Variants in PAM observed in about 807,000 individuals in gnomAD.
The protein encoded by PAM is peptidylglycine alpha-amidating monooxygenase.
A neutral mutation model predicts 122.1 loss-of-function variants in PAM; 72 were observed. The ratio of observed to expected loss-of-function variants is 0.59; its 90% CI spans 0.49 to 0.72. PAM has a LOEUF of 0.72. Ranked by LOEUF, PAM falls within the 30% of genes least tolerant of loss-of-function variation. The pLI, the probability that PAM is intolerant of heterozygous loss-of-function variation, is 0.00. For missense variants in PAM, 1,106 were observed against 1,183.7 expected, an observed-to-expected ratio of 0.93 and a Z score of 0.96; for synonymous variants, 389 against 404.4, an observed-to-expected ratio of 0.96 and a Z score of 0.46.
At chr5:102,759,492 T>C (rs1561367054) in intron 1 of PAM, among the ~76,000 whole-genome samples, 1 of 152,218 alleles carries the variant, frequency 6.6e-6, no homozygotes, top group Non-Finnish European at 1.5e-5. Flanking sequence ...CAGCCAAGTA[T>C]TGTCAGGTTG....
At chr5:102,796,562 C>T (rs1330235662) in intron 1 of PAM, among the ~76,000 whole-genome samples, 1 of 152,066 alleles carries the variant, frequency 6.6e-6, no homozygotes, top group Non-Finnish European at 1.5e-5. Context: ...TTTTTGAGCA[C>T]CACAGTCAGC....
chr5:102,829,684 G>C (rs113100679), intron 1 of PAM, among the ~76,000 whole-genome samples: 34 of 152,254 alleles, frequency 2.2e-4, no homozygotes, highest in African/African-American at 7.9e-4. Flanking sequence ...GCAAATGGGA[G>C]TTTTTTGTGG....
chr5:102,919,288 T>C (rs1464964389), intron 5 of PAM, among the ~76,000 whole-genome samples: 1 of 152,106 alleles, frequency 6.6e-6, no homozygotes, highest in African/African-American at 2.4e-5. Flanking sequence ...GTATGAGAGA[T>C]ACTCTGCTTG....
At chr5:103,003,406 G>A (rs13340364) in intron 17 of PAM, among the ~76,000 whole-genome samples, 45,974 of 151,934 alleles carry the variant, frequency 0.3, 7,121 homozygotes, top group East Asian at 0.44. Context: ...AGAACTGTCT[G>A]TTCAGGTCCT....
intron 5 of PAM, among the ~76,000 whole-genome samples, chr5:102,920,093 T>C (rs569116499): frequency 6.6e-6 from 1 of 152,208 alleles, no homozygotes; most frequent in East Asian, 1.9e-4. Context: ...ATCTCAGCTC[T>C]GCTACTTGGT....
At chr5:102,760,444 G>C (rs970824819) in intron 1 of PAM, among the ~76,000 whole-genome samples, 12 of 152,162 alleles carry the variant, frequency 7.9e-5, no homozygotes, top group Non-Finnish European at 2.9e-5. Flanking sequence ...AAAAATCTCA[G>C]ACCCTTAATT....
At chr5:102,881,696 T>A (rs949503093) in intron 3 of PAM, among the ~76,000 whole-genome samples, 2 of 151,902 alleles carry the variant, frequency 1.3e-5, no homozygotes, top group African/African-American at 2.4e-5. Flanking sequence ...TATCTTTTTT[T>A]TTTTTTCAAT....
At chr5:102,995,258 A>C (rs1326252750) in intron 16 of PAM, among the ~76,000 whole-genome samples, 1 of 152,142 alleles carries the variant, frequency 6.6e-6, no homozygotes, top group East Asian at 1.9e-4. Flanking sequence ...GGGTTCTACA[A>C]AAAAGAATGT....
At chr5:102,793,150 G>A (rs902822201) in intron 1 of PAM, among the ~76,000 whole-genome samples, 6 of 152,032 alleles carry the variant, frequency 3.9e-5, no homozygotes, top group Non-Finnish European at 5.9e-5. Flanking sequence ...ATAGAACACC[G>A]AAGATTCTTT....
Position 102,985,913 on chromosome 5 carries a change from T to A in PAM, c.1484-4359T>A, listed in dbSNP as rs186138889. ...TGCATCATGAGCAAGTGAAATTTATTGCTGGGATATGAGGATGGTTCAACA... is the reference window on the plus strand; with the variant it reads ...TGCATCATGAGCAAGTGAAATTTATAGCTGGGATATGAGGATGGTTCAACA... On this transcript the variant is annotated intron_variant, in intron 15 of 25. Coordinates refer to ENST00000438793, the MANE Select transcript of PAM (RefSeq NM_001177306.2). Among the ~76,000 whole-genome samples the A allele has an allele frequency of 4.1e-3, 623 of 152,248 alleles. 5 individuals are homozygous for A. The highest frequency in any genetic ancestry group is 7.3e-3 in the South Asian group (35 of 4,824).
chr5:102,985,681 A>C (rs1562138891), intron 15 of PAM, among the ~76,000 whole-genome samples: 1 of 152,140 alleles, frequency 6.6e-6, no homozygotes, highest in Admixed American at 6.5e-5. Flanking sequence ...AAGAACTAAT[A>C]ACAATTTTTT....
intron 3 of PAM, chr5:102,873,160 C>T (rs945827039): frequency 6.6e-6 from 1 of 151,724 alleles, no homozygotes; most frequent in Non-Finnish European, 1.5e-5. Flanking sequence ...TTGTGATTTC[C>T]TTATCTTTTC....
At chr5:102,802,367 T>C (rs1043285134) in intron 1 of PAM, among the ~76,000 whole-genome samples, 1 of 152,160 alleles carries the variant, frequency 6.6e-6, no homozygotes, top group African/African-American at 2.4e-5. Context: ...TCAGAGCTAG[T>C]ATAAAGATGT....
chr5:102,922,967 A>G (rs773926268), intron 5 of PAM, among the ~76,000 whole-genome samples: 8 of 152,216 alleles, frequency 5.3e-5, no homozygotes, highest in Non-Finnish European at 1.0e-4. Flanking sequence ...ATTTCTTCCA[A>G]CGTACAATTC....
At chr5:102,883,727 T>C (rs1332037669) in intron 3 of PAM, among the ~76,000 whole-genome samples, 1 of 152,000 alleles carries the variant, frequency 6.6e-6, no homozygotes, top group Non-Finnish European at 1.5e-5. Flanking sequence ...CTAATTGCTC[T>C]GATTAGGACT....
intron 17 of PAM, 67 bp downstream of exon 17, chr5:103,003,216 G>A (rs1457627341): frequency 4.0e-6 from 3 of 743,788 alleles, no homozygotes; most frequent in Non-Finnish European, 4.8e-6. Flanking sequence ...GTATCATAGA[G>A]TCTTGAAATT....
chr5:102,894,503 C>A (rs1795630098), intron 3 of PAM, among the ~76,000 whole-genome samples: 1 of 151,646 alleles, frequency 6.6e-6, no homozygotes, highest in South Asian at 2.1e-4. Flanking sequence ...ACTTCTCTTT[C>A]CCTTTTTTCT....
chr5:102,878,922 CT>C (rs972968146), intron 3 of PAM, among the ~76,000 whole-genome samples: 63 of 143,894 alleles, frequency 4.4e-4, no homozygotes, highest in Non-Finnish European at 3.2e-4. Flanking sequence ...AAGAAAAATT[CT>C]TTTTTTTTTT....
chr5:102,982,938 G>C (rs965724424), intron 15 of PAM, among the ~76,000 whole-genome samples: 32 of 151,960 alleles, frequency 2.1e-4, no homozygotes, highest in Non-Finnish European at 7.4e-5. Context: ...CAGTAAAATA[G>C]AAGAGAACAC....
Sources: allele counts gnomAD v4.1 joint callset (sites outside exome capture counted in the v4.1 genomes callset), GRCh38; gene constraint gnomAD v4.1.1; transcripts MANE v1.5; gene names NCBI Gene and HGNC (gene_info 2026-07-23, HGNC 2026-07-21).